DSCAM: variants seen among roughly 807,000 people sequenced by gnomAD.
DSCAM encodes DS cell adhesion molecule, also known as cell adhesion molecule DSCAM.
DSCAM carries 47 observed loss-of-function variants against 217.7 expected under a neutral mutation model. That is an observed-to-expected ratio of 0.22 (90% confidence interval 0.17 to 0.28). The LOEUF is 0.28. Ranked by LOEUF, DSCAM falls within the 10% of genes least tolerant of loss-of-function variation. The pLI is 1.00. For synonymous variants in DSCAM, 1,056 were observed against 1,015.3 expected, an observed-to-expected ratio of 1.04 and a Z score of -0.76; for missense variants, 2,080 against 2,618.3, an observed-to-expected ratio of 0.79 and a Z score of 4.49.
chr21:40,709,960 T>C (rs1241508619), intron 1 of DSCAM, among the ~76,000 whole-genome samples: 1 of 152,170 alleles, frequency 6.6e-6, no homozygotes. Context: ...CCACCAACAG[T>C]GTTAAAGCGT....
chr21:40,830,757 C>T (rs981108299), intron 1 of DSCAM, among the ~76,000 whole-genome samples: 1 of 152,194 alleles, frequency 6.6e-6, no homozygotes. Context: ...GCACTTAGCA[C>T]AGTTTCTGGC....
chr21:40,198,496 T>C (rs1366376553), intron 11 of DSCAM, among the ~76,000 whole-genome samples: 2 of 152,180 alleles, frequency 1.3e-5, no homozygotes, highest in Non-Finnish European at 2.9e-5. Flanking sequence ...CTCAGTCGAA[T>C]AGGTGACCTT....
At chr21:40,795,115 C>G (rs1352961462) in intron 1 of DSCAM, among the ~76,000 whole-genome samples, 2 of 151,950 alleles carry the variant, frequency 1.3e-5, no homozygotes, top group Non-Finnish European at 2.9e-5. Context: ...TTATACTATT[C>G]ACAACGCAAA....
At chr21:40,297,656 G>A (rs896883343) in intron 9 of DSCAM, among the ~76,000 whole-genome samples, 8 of 152,148 alleles carry the variant, frequency 5.3e-5, no homozygotes, top group East Asian at 1.9e-4. Flanking sequence ...CGTGACGATC[G>A]CTTTGGCCAT....
intron 3 of DSCAM, among the ~76,000 whole-genome samples, chr21:40,558,453 G>GA (rs34187407): frequency 0.52 from 74,873 of 142,870 alleles, 19,926 homozygotes; most frequent in Non-Finnish European, 0.59. Context: ...ATCTCAAAAA[G>GA]AAAAAAAAAA....
intron 3 of DSCAM, among the ~76,000 whole-genome samples, chr21:40,469,827 T>C (rs537805329): frequency 8.5e-5 from 13 of 152,230 alleles, no homozygotes; most frequent in Non-Finnish European, 1.5e-4. Context: ...AATTTCTTTA[T>C]AACCATATGA....
At chr21:40,097,955 AAAGAAAGAAAGAAAGAAAGAAAG>A (rs1184046098) in intron 20 of DSCAM, among the ~76,000 whole-genome samples, 2 of 18,752 alleles carry the variant, frequency 1.1e-4, no homozygotes, top group African/African-American at 2.0e-4. Flanking sequence ...AAAAAAAAAA[AAAGAAAGAAAGAAAGAAAGAAAG>A]AAAGAAAGAA....
intron 20 of DSCAM, 76 bp downstream of exon 20, chr21:40,124,119 G>A (rs929125101): frequency 3.3e-5 from 53 of 1,586,858 alleles, no homozygotes; most frequent in South Asian, 1.2e-4. Flanking sequence ...ACAAAGGAAC[G>A]AAACTGTCCA....
At chr21:40,167,364 G>T (rs2090608236) in intron 15 of DSCAM, 76 bp from the exon 16 acceptor site, 4 of 1,325,298 alleles carry the variant, frequency 3.0e-6, no homozygotes, top group South Asian at 2.4e-5. Context: ...GCCAAAGGTG[G>T]TCCCCGAGGA....
chr21:40,026,818 CTTTCTT>C (rs2088395962), intron 32 of DSCAM, among the ~76,000 whole-genome samples: 1 of 18,120 alleles, frequency 5.5e-5, no homozygotes, highest in South Asian at 2.4e-3. Flanking sequence ...GGTCTTGACT[CTTTCTT>C]TATCCAATTT....
chr21:40,812,370 A>T (rs374779956), intron 1 of DSCAM, among the ~76,000 whole-genome samples: 1 of 152,122 alleles, frequency 6.6e-6, no homozygotes, highest in South Asian at 2.1e-4. Flanking sequence ...CCCAGCACTT[A>T]TATCTTCAGC....
rs760072956 is a variant in DSCAM, at chr21:40,508,734, AATATATATATATATATATATATAT to A, written c.509-139513_509-139490del. Among the ~76,000 whole-genome samples the A allele has an allele frequency of 1.4e-3, 64 of 45,846 alleles. 3 individuals are homozygous for A. Among genetic ancestry groups the A allele is most frequent in the African/African-American group, 1.6e-3 (19 of 12,072 alleles). The allele number at this position is 45,846 out of a possible 152,430, so 30.1% of individuals were successfully genotyped here. A position where few individuals can be genotyped will look rare whatever the true frequency, so the allele number is the denominator to read the frequency against. ...CAGGTGCAAACCACCACACCCGGCA[AATATATATATATATATATATATAT>A]ATATATATATATATATATATATATA... On this transcript the variant is annotated intron_variant, in intron 3 of 32. Coordinates refer to ENST00000400454, the MANE Select transcript of DSCAM (RefSeq NM_001389.5).
intron 1 of DSCAM, among the ~76,000 whole-genome samples, chr21:40,792,562 T>C (rs979520898): frequency 3.3e-5 from 5 of 152,182 alleles, no homozygotes; most frequent in African/African-American, 1.2e-4. Flanking sequence ...ATATGAATTC[T>C]GGAGGAACAT....
At chr21:40,226,412 T>C (rs1365860288) in intron 11 of DSCAM, among the ~76,000 whole-genome samples, 1 of 152,212 alleles carries the variant, frequency 6.6e-6, no homozygotes, top group African/African-American at 2.4e-5. Flanking sequence ...TCAGTTCACT[T>C]CCTTGCATTT....
At chr21:40,340,237 G>A (rs1046070307) in intron 6 of DSCAM, among the ~76,000 whole-genome samples, 4 of 152,108 alleles carry the variant, frequency 2.6e-5, no homozygotes, top group African/African-American at 9.7e-5. Context: ...AAGAGAACAG[G>A]CATGACCCAG....
At chr21:40,295,433 T>G (rs1380656351) in intron 10 of DSCAM, among the ~76,000 whole-genome samples, 1 of 152,150 alleles carries the variant, frequency 6.6e-6, no homozygotes, top group Non-Finnish European at 1.5e-5. Flanking sequence ...ATATCTACAA[T>G]GTCACCTAAA....
At chr21:40,300,147 A>G (rs992741393) in intron 9 of DSCAM, among the ~76,000 whole-genome samples, 5 of 151,848 alleles carry the variant, frequency 3.3e-5, no homozygotes, top group African/African-American at 1.2e-4. Context: ...GAGCTATTTC[A>G]CCCACTCCCA....
At chr21:40,235,098 G>T (rs922894896) in intron 11 of DSCAM, among the ~76,000 whole-genome samples, 2 of 152,150 alleles carry the variant, frequency 1.3e-5, no homozygotes, top group Non-Finnish European at 2.9e-5. Flanking sequence ...CTACATGCAA[G>T]AAACAAAAAT....
At position 40,709,926 on chromosome 21, in the gene DSCAM, C is replaced by G. The variant is rs567247360; in HGVS notation, c.44-1155G>C. On this transcript the variant is annotated intron_variant, in intron 1 of 32. Coordinates refer to ENST00000400454, the MANE Select transcript of DSCAM (RefSeq NM_001389.5). The stretch of plus-strand genomic sequence containing the variant: ...TGAGGAATCTCCACACTGTCTTCCA[C>G]AATGGTTGAACTAATTTACACTCCC... 3.3e-5 allele frequency among the ~76,000 whole-genome samples: 5 copies of G among 152,314 alleles called. No individual in the cohort carries two copies. In the South Asian group the frequency reaches 1.0e-3, roughly 32 times the overall value.
Sources: gnomAD v4.1 joint callset for allele counts (sites outside exome capture counted in the v4.1 genomes callset) on GRCh38, gnomAD v4.1.1 for gene constraint, MANE v1.5 for transcripts, NCBI Gene and HGNC (gene_info 2026-07-23, HGNC 2026-07-21) for gene names.